Variants in GPC6 observed in about 807,000 individuals in gnomAD.
The protein encoded by GPC6 is glypican 6.
In GPC6, 14 loss-of-function variants were observed where a neutral mutation model predicts 55.2. That is an observed-to-expected ratio of 0.25 (90% CI 0.17 to 0.40). The LOEUF (loss-of-function observed/expected upper bound fraction) is 0.40. Ranked by LOEUF, GPC6 falls within the 10% of genes least tolerant of loss-of-function variation. The pLI, the probability that GPC6 is intolerant of heterozygous loss-of-function variation, is 1.00. For missense variants in GPC6, 641 were observed against 708.5 expected, an observed-to-expected ratio of 0.90 and a Z score of 1.08; for synonymous variants, 278 against 259.6, an observed-to-expected ratio of 1.07 and a Z score of -0.68.
chr13:93,353,723 C>G (rs1281079148), intron 1 of GPC6, among the ~76,000 whole-genome samples: 1 of 152,300 alleles, frequency 6.6e-6, no homozygotes, highest in South Asian at 2.1e-4. Flanking sequence ...CTCGTGATTA[C>G]TCACCTAAGT....
chr13:93,945,092 G>C (rs553549109), intron 3 of GPC6, among the ~76,000 whole-genome samples: 1 of 152,256 alleles, frequency 6.6e-6, no homozygotes, highest in East Asian at 1.9e-4. Context: ...ATTTCACAGA[G>C]TGTAAGTCCA....
chr13:93,276,495 A>AGAGAGAGAGAGAGAGAGAGT (rs1365006783), intron 1 of GPC6, among the ~76,000 whole-genome samples: 1 of 94,400 alleles, frequency 1.1e-5, no homozygotes, highest in African/African-American at 4.5e-5. Flanking sequence ...AGAGAGAGAG[A>AGAGAGAGAGAGAGAGAGAGT]GTGTGTGTGT....
chr13:94,234,191 G>A (rs1244863816), intron 4 of GPC6, among the ~76,000 whole-genome samples: 2 of 152,116 alleles, frequency 1.3e-5, no homozygotes, highest in African/African-American at 4.8e-5. Context: ...AAGCCTAAAT[G>A]CTAAAGCCAG....
intron 3 of GPC6, among the ~76,000 whole-genome samples, chr13:93,940,785 T>G (rs1878698080): frequency 6.6e-6 from 1 of 152,196 alleles, no homozygotes; most frequent in Admixed American, 6.5e-5. Flanking sequence ...TGAAGAGTCC[T>G]TATCTCATCG....
chr13:93,521,710 G>A (rs114632039), intron 1 of GPC6, among the ~76,000 whole-genome samples: 2,069 of 152,004 alleles, frequency 0.014, 43 homozygotes, highest in African/African-American at 0.042. Flanking sequence ...GTGATTGGTG[G>A]CAAGGCATCA....
chr13:93,853,365 A>G (rs1051688482), intron 3 of GPC6, among the ~76,000 whole-genome samples: 3 of 151,672 alleles, frequency 2.0e-5, no homozygotes, highest in African/African-American at 4.8e-5. Context: ...GTTTATTATC[A>G]TATTACCATT....
intron 1 of GPC6, among the ~76,000 whole-genome samples, chr13:93,452,469 T>C (rs757854093): frequency 6.6e-6 from 1 of 152,246 alleles, no homozygotes; most frequent in East Asian, 1.9e-4. Flanking sequence ...ATGATATCTT[T>C]TGCTTCAGCG....
chr13:93,699,330 A>G (rs949038761), intron 2 of GPC6, among the ~76,000 whole-genome samples: 1 of 152,160 alleles, frequency 6.6e-6, no homozygotes, highest in African/African-American at 2.4e-5. Flanking sequence ...TTGTGAGGAA[A>G]GATCAAGCTA....
At chr13:93,251,649 A>T (rs1430546759) in intron 1 of GPC6, among the ~76,000 whole-genome samples, 1 of 152,190 alleles carries the variant, frequency 6.6e-6, no homozygotes, top group East Asian at 1.9e-4. Flanking sequence ...CTATCTATAC[A>T]GAGAGAAGTC....
chr13:93,790,896 GA>G (rs1886011490), intron 2 of GPC6, among the ~76,000 whole-genome samples: 2 of 152,154 alleles, frequency 1.3e-5, no homozygotes, highest in Admixed American at 1.3e-4. Flanking sequence ...CATGGACAGC[GA>G]AGGGCAGAAA....
intron 4 of GPC6, among the ~76,000 whole-genome samples, chr13:94,109,598 A>G (rs972993663): frequency 1.3e-5 from 2 of 152,124 alleles, no homozygotes; most frequent in Non-Finnish European, 2.9e-5. Flanking sequence ...GTAAGCAAAA[A>G]CGCTACTATT....
chr13:93,468,823 T>G (rs1879006781), intron 1 of GPC6, among the ~76,000 whole-genome samples: 1 of 152,246 alleles, frequency 6.6e-6, no homozygotes, highest in Non-Finnish European at 1.5e-5. Flanking sequence ...AATAAAAGTT[T>G]GGCTTGATTG....
intron 3 of GPC6, among the ~76,000 whole-genome samples, chr13:93,866,212 C>T (rs1365817133): frequency 6.6e-6 from 1 of 151,644 alleles, no homozygotes; most frequent in Non-Finnish European, 1.5e-5. Flanking sequence ...CTAGAGACAA[C>T]CCAACTATCC....
rs16949177 is a variant in GPC6, at chr13:93,744,108, C to G, written c.320-86046C>G. ...TTTATACTGTGTTTCAGATTATTCT[C>G]AGTTTTTGCCAATGTGTTTGTCACT... On this transcript the variant is annotated intron_variant, in intron 2 of 8. Transcript: ENST00000377047. 5.2e-3 allele frequency among the ~76,000 whole-genome samples: 794 copies of G among 152,228 alleles called. 3 individuals carry two copies. The highest frequency in any genetic ancestry group is 0.018 in the African/African-American group (761 of 41,526).
intron 3 of GPC6, among the ~76,000 whole-genome samples, chr13:93,868,279 C>A (rs752380174): frequency 5.9e-5 from 9 of 151,724 alleles, no homozygotes; most frequent in Non-Finnish European, 8.8e-5. Context: ...GTTGTCTGCA[C>A]ACTTGAATAT....
intron 2 of GPC6, among the ~76,000 whole-genome samples, chr13:93,737,495 G>A (rs918590119): frequency 1.1e-4 from 16 of 152,008 alleles, no homozygotes; most frequent in Non-Finnish European, 1.5e-5. Flanking sequence ...AGGAGTGAAA[G>A]GAAGACAATC....
At chr13:93,444,038 A>G (rs1877903584) in intron 1 of GPC6, among the ~76,000 whole-genome samples, 1 of 152,170 alleles carries the variant, frequency 6.6e-6, no homozygotes, top group African/African-American at 2.4e-5. Flanking sequence ...TTACTTCACT[A>G]TATTTTGTAT....
intron 1 of GPC6, among the ~76,000 whole-genome samples, chr13:93,351,753 A>G (rs1036638818): frequency 1.3e-5 from 2 of 151,940 alleles, no homozygotes. Context: ...AATTAAAAAT[A>G]TAAACAAAAC....
chr13:94,054,360 T>C (rs1884058879), intron 4 of GPC6, among the ~76,000 whole-genome samples: 1 of 152,138 alleles, frequency 6.6e-6, no homozygotes, highest in Admixed American at 6.6e-5. Context: ...CAGTGGTAAA[T>C]TCATTTAGAT....
Sources: allele counts gnomAD v4.1 joint callset (sites outside exome capture counted in the v4.1 genomes callset), GRCh38; gene constraint gnomAD v4.1.1; transcripts MANE v1.5; gene names NCBI Gene and HGNC (gene_info 2026-07-23, HGNC 2026-07-21).